PPARG: variants seen among roughly 807,000 people sequenced by gnomAD.
PPARG encodes peroxisome proliferator activated receptor gamma.
In PPARG, 17 loss-of-function variants were observed where a neutral mutation model predicts 39.2. That is an observed-to-expected ratio of 0.43 (90% CI 0.30 to 0.65). The LOEUF is 0.65. Among genes scored for constraint, PPARG ranks in the 30% least tolerant of loss-of-function variants. The probability of loss-of-function intolerance (pLI) is 0.13; values close to 1 mark genes in which losing one functional copy is unlikely to be tolerated. For synonymous variants in PPARG, 223 were observed against 215.7 expected (o/e 1.03, Z -0.30); for missense variants, 406 against 585.9 (o/e 0.69, Z 3.17).
At chr3:12,319,449 T>A (rs139690129) in intron 2 of PPARG, among the ~76,000 whole-genome samples, 13 of 152,284 alleles carry the variant, frequency 8.5e-5, no homozygotes, top group African/African-American at 2.6e-4. Flanking sequence ...TGAAGTACTT[T>A]TATATACAGA....
intron 2 of PPARG, among the ~76,000 whole-genome samples, chr3:12,338,446 A>T (rs1029657542): frequency 6.6e-6 from 1 of 152,208 alleles, no homozygotes; most frequent in Non-Finnish European, 1.5e-5. Context: ...TACAGCACAG[A>T]CTTCAAGGAA....
At chr3:12,343,042 C>T (rs1350538101) in intron 2 of PPARG, among the ~76,000 whole-genome samples, 2 of 152,140 alleles carry the variant, frequency 1.3e-5, no homozygotes, top group African/African-American at 2.4e-5. Context: ...ATCCTACACA[C>T]GTACAGTATT....
At chr3:12,307,268 A>G (rs1376673888) in intron 1 of PPARG, among the ~76,000 whole-genome samples, 3 of 152,104 alleles carry the variant, frequency 2.0e-5, no homozygotes, top group African/African-American at 4.8e-5. Context: ...AGAGGAATGT[A>G]AACGGCTCAT....
At chr3:12,351,228 T>C (rs1234569315) in intron 2 of PPARG, among the ~76,000 whole-genome samples, 1 of 152,242 alleles carries the variant, frequency 6.6e-6, no homozygotes, top group African/African-American at 2.4e-5. Flanking sequence ...GAACAGTCTC[T>C]GCTCTGATAA....
At chr3:12,300,925 ATTTTAT>A (rs2046909868) in intron 1 of PPARG, among the ~76,000 whole-genome samples, 1 of 152,044 alleles carries the variant, frequency 6.6e-6, no homozygotes, top group African/African-American at 2.4e-5. Flanking sequence ...TTTCAACTTG[ATTTTAT>A]TTTGAGGACA....
At chr3:12,420,040 C>T (rs1365741816) in intron 7 of PPARG, among the ~76,000 whole-genome samples, 1 of 152,112 alleles carries the variant, frequency 6.6e-6, no homozygotes, top group Non-Finnish European at 1.5e-5. Flanking sequence ...ATAGAATTAA[C>T]AAAGTCCTAT....
intron 6 of PPARG, among the ~76,000 whole-genome samples, chr3:12,412,371 A>C (rs2050906967): frequency 1.3e-5 from 2 of 152,182 alleles, no homozygotes; most frequent in African/African-American, 4.8e-5. Context: ...TAGATCTATA[A>C]TTGAATTTAC....
At chr3:12,378,999 G>T (rs978636006) in intron 2 of PPARG, among the ~76,000 whole-genome samples, 15 of 151,756 alleles carry the variant, frequency 9.9e-5, no homozygotes, top group South Asian at 2.1e-4. Flanking sequence ...GGGTTTTTTT[G>T]TTTTGTTTTG....
At chr3:12,294,736 A>G (rs1286897943) in intron 1 of PPARG, among the ~76,000 whole-genome samples, 1 of 152,034 alleles carries the variant, frequency 6.6e-6, no homozygotes. Flanking sequence ...CTCTACTAAA[A>G]ATACAAATTA....
chr3:12,371,764 G>A (rs2049223054), intron 2 of PPARG: 1 of 555,260 alleles, frequency 1.8e-6, no homozygotes, highest in Non-Finnish European at 3.4e-6. Context: ...AGCTCACCAG[G>A]AAACCCTGAG....
At chr3:12,334,085 CAGA>C (rs1324620690) in intron 2 of PPARG, among the ~76,000 whole-genome samples, 1 of 152,136 alleles carries the variant, frequency 6.6e-6, no homozygotes, top group East Asian at 1.9e-4. Flanking sequence ...TTCTTTCTCC[CAGA>C]AGATTACAAG....
intron 2 of PPARG, chr3:12,351,768 T>C: frequency 2.1e-6 from 2 of 954,844 alleles, no homozygotes; most frequent in South Asian, 2.6e-5. Context: ...GTTGTGTTTG[T>C]TTTAATACTA....
chr3:12,371,906 G>A (rs2049229394), intron 2 of PPARG: 1 of 709,880 alleles, frequency 1.4e-6, no homozygotes, highest in African/African-American at 1.7e-5. Context: ...AGAGGAATTA[G>A]TAAATTCCCA....
chr3:12,316,331 C>G (rs1283893539), intron 2 of PPARG, among the ~76,000 whole-genome samples: 1 of 152,130 alleles, frequency 6.6e-6, no homozygotes, highest in Non-Finnish European at 1.5e-5. Context: ...GCAAACTGCA[C>G]TAGTTCACAT....
At chr3:12,417,277 A>G in intron 7 of PPARG, 123 bp downstream of exon 7, 1 of 992,560 alleles carries the variant, frequency 1.0e-6, no homozygotes, top group Non-Finnish European at 1.5e-6. Flanking sequence ...GCATGATGCC[A>G]TGAATCATCA....
chr3:12,355,425 C>T (rs755725595), intron 2 of PPARG, among the ~76,000 whole-genome samples: 6 of 152,170 alleles, frequency 3.9e-5, no homozygotes, highest in Non-Finnish European at 7.3e-5. Flanking sequence ...CGTGAGCCAT[C>T]GCAGCCTGCC....
intron 2 of PPARG, among the ~76,000 whole-genome samples, chr3:12,368,878 A>G (rs1284772016): frequency 1.3e-5 from 2 of 152,192 alleles, no homozygotes; most frequent in Non-Finnish European, 2.9e-5. Flanking sequence ...ATTTTCTTTC[A>G]TTCTACTTGA....
At chr3:12,342,018 A>G (rs1034049560) in intron 2 of PPARG, among the ~76,000 whole-genome samples, 3 of 152,198 alleles carry the variant, frequency 2.0e-5, no homozygotes, top group Non-Finnish European at 4.4e-5. Context: ...GTAACTGTAC[A>G]ATGGAGAGAT....
chr3:12,353,567 T>C (rs2048559701), intron 2 of PPARG, among the ~76,000 whole-genome samples: 1 of 152,112 alleles, frequency 6.6e-6, no homozygotes, highest in Non-Finnish European at 1.5e-5. Flanking sequence ...CAAAGTGAAA[T>C]TGGGGGTGTT....
Sources: gnomAD v4.1 joint callset for allele counts (sites outside exome capture counted in the v4.1 genomes callset) on GRCh38, gnomAD v4.1.1 for gene constraint, MANE v1.5 for transcripts, NCBI Gene and HGNC (gene_info 2026-07-23, HGNC 2026-07-21) for gene names.